The following TSHZ2 variants were observed in gnomAD, a reference collection of about 807,000 sequenced individuals.
The protein encoded by TSHZ2 is teashirt homolog 2.
Under a neutral mutation model 74.4 loss-of-function variants are expected in TSHZ2, and 21 were observed. That is an observed-to-expected ratio of 0.28 (90% confidence interval 0.20 to 0.41). The LOEUF is 0.41. Ranked by LOEUF, TSHZ2 falls within the 10% of genes least tolerant of loss-of-function variation. TSHZ2 has a pLI of 1.00. For missense variants in TSHZ2, 1,244 were observed against 1,293.5 expected (o/e 0.96, Z 0.59); for synonymous variants, 540 against 515.3 (o/e 1.05, Z -0.65).
chr20:52,990,158 C>T (rs1444753110), intron 1 of TSHZ2, among the ~76,000 whole-genome samples: 2 of 151,786 alleles, frequency 1.3e-5, no homozygotes, highest in Admixed American at 6.6e-5. Flanking sequence ...TGGAGAAGAA[C>T]AGTTATGAAA....
chr20:53,151,286 G>A (rs1382127997), intron 1 of TSHZ2, among the ~76,000 whole-genome samples: 1 of 152,202 alleles, frequency 6.6e-6, no homozygotes, highest in Admixed American at 6.5e-5. Context: ...AATGGACTAA[G>A]TAAAGAAATA....
At chr20:53,281,787 C>G (rs560318034) in intron 2 of TSHZ2, among the ~76,000 whole-genome samples, 1 of 152,300 alleles carries the variant, frequency 6.6e-6, no homozygotes, top group South Asian at 2.1e-4. Flanking sequence ...TCTGCCTGAT[C>G]CCATGGGGAG....
At chr20:53,133,454 C>T (rs890467006) in intron 1 of TSHZ2, among the ~76,000 whole-genome samples, 2 of 152,192 alleles carry the variant, frequency 1.3e-5, no homozygotes, top group African/African-American at 4.8e-5. Flanking sequence ...CATCTTACCC[C>T]AGAGGTAGCA....
At chr20:53,443,365 CACTT>C (rs1984415485) in intron 2 of TSHZ2, among the ~76,000 whole-genome samples, 1 of 152,180 alleles carries the variant, frequency 6.6e-6, no homozygotes, top group Non-Finnish European at 1.5e-5. Context: ...ATAATCAACA[CACTT>C]TAAAATATTC....
At chr20:53,002,417 C>CT (rs1433303339) in intron 1 of TSHZ2, among the ~76,000 whole-genome samples, 2 of 152,132 alleles carry the variant, frequency 1.3e-5, no homozygotes, top group Non-Finnish European at 2.9e-5. Flanking sequence ...CATACATTAT[C>CT]TTTTTTTCAT....
At chr20:53,267,053 C>T (rs888390885) in intron 2 of TSHZ2, among the ~76,000 whole-genome samples, 1 of 152,232 alleles carries the variant, frequency 6.6e-6, no homozygotes, top group Non-Finnish European at 1.5e-5. Context: ...GCTGGGATTA[C>T]AGGCATGAGC....
At chr20:53,446,407 CAAAA>C (rs34010689) in intron 2 of TSHZ2, among the ~76,000 whole-genome samples, 4 of 127,476 alleles carry the variant, frequency 3.1e-5, no homozygotes, top group Non-Finnish European at 3.4e-5. Context: ...ACTAAAAATA[CAAAA>C]AAAAAAAAAA....
intron 2 of TSHZ2, among the ~76,000 whole-genome samples, chr20:53,285,179 G>A (rs534757657): frequency 4.9e-4 from 74 of 152,290 alleles, no homozygotes; most frequent in Middle Eastern, 3.4e-3. Context: ...GAGAAACACG[G>A]TATTAAAAAG....
intron 1 of TSHZ2, among the ~76,000 whole-genome samples, chr20:53,233,268 G>A (rs1255381455): frequency 6.6e-6 from 1 of 152,190 alleles, no homozygotes; most frequent in East Asian, 1.9e-4. Flanking sequence ...CAATGCACAA[G>A]GCACAAAGTC....
chr20:53,394,761 C>CAAAAAAAAAAAAAAAA (rs3042185), intron 2 of TSHZ2, among the ~76,000 whole-genome samples: 4 of 72,370 alleles, frequency 5.5e-5, no homozygotes, highest in African/African-American at 2.1e-4. Context: ...CAATCTGTCT[C>CAAAAAAAAAAAAAAAA]AAAAAAAAAA....
At chr20:53,162,700 G>C (rs1023365627) in intron 1 of TSHZ2, among the ~76,000 whole-genome samples, 1 of 152,160 alleles carries the variant, frequency 6.6e-6, no homozygotes, top group African/African-American at 2.4e-5. Flanking sequence ...TGGGAAAGGA[G>C]GGGCTATGCT....
intron 2 of TSHZ2, among the ~76,000 whole-genome samples, chr20:53,333,344 C>T (rs1979803096): frequency 6.6e-6 from 1 of 152,126 alleles, no homozygotes; most frequent in Non-Finnish European, 1.5e-5. Flanking sequence ...AATTAGAGGC[C>T]TTTGAAGAAC....
intron 2 of TSHZ2, among the ~76,000 whole-genome samples, chr20:53,433,576 G>GACACAC (rs1281093463): frequency 5.3e-4 from 41 of 76,766 alleles, no homozygotes; most frequent in Admixed American, 6.5e-4. Context: ...CAGACACACA[G>GACACAC]ACACACAGAC....
intron 2 of TSHZ2, among the ~76,000 whole-genome samples, chr20:53,261,165 G>A (rs543043443): frequency 2.6e-5 from 4 of 152,244 alleles, no homozygotes; most frequent in East Asian, 3.9e-4. Flanking sequence ...AATACTCATG[G>A]CTGGATGTAC....
chr20:53,071,209 A>T (rs1985163939), intron 1 of TSHZ2, among the ~76,000 whole-genome samples: 1 of 152,226 alleles, frequency 6.6e-6, no homozygotes, highest in South Asian at 2.1e-4. Flanking sequence ...CTCTGTGCTC[A>T]CTGTCAGCTT....
intron 1 of TSHZ2, among the ~76,000 whole-genome samples, chr20:53,087,989 A>T (rs909242157): frequency 1.3e-5 from 2 of 152,150 alleles, no homozygotes; most frequent in Non-Finnish European, 2.9e-5. Flanking sequence ...TTATTTTTTA[A>T]AATTGACTTA....
intron 1 of TSHZ2, among the ~76,000 whole-genome samples, chr20:53,007,875 AAAT>A (rs1007227962): frequency 2.0e-4 from 30 of 152,262 alleles, no homozygotes; most frequent in African/African-American, 7.0e-4. Flanking sequence ...ATAATTTAAA[AAAT>A]AATAATACAA....
At chr20:53,332,717 A>G (rs1040941214) in intron 2 of TSHZ2, among the ~76,000 whole-genome samples, 1 of 152,084 alleles carries the variant, frequency 6.6e-6, no homozygotes. Flanking sequence ...TTGTGTACCA[A>G]CTTTTTCCTT....
At chr20:53,340,745 T>C (rs1028717557) in intron 2 of TSHZ2, among the ~76,000 whole-genome samples, 6 of 152,182 alleles carry the variant, frequency 3.9e-5, no homozygotes, top group Admixed American at 3.9e-4. Context: ...GCTCCTGTAA[T>C]GTAACAGCTG....
Sources: gnomAD v4.1 joint callset for allele counts (sites outside exome capture counted in the v4.1 genomes callset) on GRCh38, gnomAD v4.1.1 for gene constraint, MANE v1.5 for transcripts, NCBI Gene and HGNC (gene_info 2026-07-23, HGNC 2026-07-21) for gene names.